The following PCDH11X variants were observed in gnomAD, a reference collection of about 807,000 sequenced individuals.
PCDH11X encodes protocadherin-11 X-linked.
In PCDH11X, 18 loss-of-function variants were observed where a neutral mutation model predicts 53.3. That is an observed-to-expected ratio of 0.34 (90% CI 0.23 to 0.50). PCDH11X has a LOEUF of 0.50. PCDH11X is among the 20% of genes least tolerant of loss of function. PCDH11X has a pLI of 0.98. For missense variants in PCDH11X, 570 were observed against 1,032.4 expected (o/e 0.55, Z 6.14); for synonymous variants, 279 against 393.3 (o/e 0.71, Z 3.44).
intron 6 of PCDH11X, among the ~76,000 whole-genome samples, chrX:91,898,576 G>C (rs754338042): frequency 9.2e-6 from 1 of 108,222 alleles, no homozygotes; most frequent in African/African-American, 3.4e-5. Flanking sequence ...TGACTAAGTG[G>C]TAGAATCATA....
intron 6 of PCDH11X, among the ~76,000 whole-genome samples, chrX:92,078,060 T>C (rs1277519155): frequency 9.1e-6 from 1 of 110,064 alleles, no homozygotes; most frequent in Non-Finnish European, 1.9e-5. Flanking sequence ...TGTTTCCCTG[T>C]GGACTCAATA....
rs757313306 is a variant in PCDH11X at position 92,293,368 on chromosome X, T to TA, written c.3144+30227dup. 5.4e-5 allele frequency among the ~76,000 whole-genome samples: 6 copies of TA among 110,501 alleles called. No homozygotes were observed. In the South Asian group the frequency reaches 2.4e-3, roughly 43 times the overall value. On this transcript the variant is annotated intron_variant, in intron 8 of 10. Coordinates refer to ENST00000682573, the MANE Select transcript of PCDH11X (RefSeq NM_032968.5). ...GGCCAGACACGGTGGCTGAGGCCTG[T>TA]AATCCCAGCACTTTGGGAGGCCAAG... is the stretch of plus-strand genomic sequence containing the variant.
intron 4 of PCDH11X, among the ~76,000 whole-genome samples, chrX:91,825,744 T>G (rs1467785411): frequency 9.3e-6 from 1 of 107,989 alleles, no homozygotes; most frequent in Non-Finnish European, 1.9e-5. Flanking sequence ...TTTGGTACAG[T>G]GCCCATGAAC....
intron 6 of PCDH11X, among the ~76,000 whole-genome samples, chrX:92,053,574 CTT>C (rs146294962): frequency 8.6e-4 from 80 of 92,514 alleles, no homozygotes; most frequent in Admixed American, 3.5e-3. Context: ...TGAACTGAGT[CTT>C]TTTTTTTTTT....
chrX:92,429,520 G>A (rs1446009222), intron 9 of PCDH11X, among the ~76,000 whole-genome samples: 1 of 106,730 alleles, frequency 9.4e-6, no homozygotes, highest in Non-Finnish European at 1.9e-5. Context: ...CCCAGCTAAC[G>A]AAAAGCTAGG....
chrX:91,887,477 G>A (rs1940285484), intron 6 of PCDH11X, among the ~76,000 whole-genome samples: 1 of 111,669 alleles, frequency 9.0e-6, no homozygotes, highest in African/African-American at 3.2e-5. Flanking sequence ...TTGGTTTAAT[G>A]TATTTAGAAT....
At chrX:92,080,592 G>A (rs896530416) in intron 6 of PCDH11X, among the ~76,000 whole-genome samples, 3 of 109,999 alleles carry the variant, frequency 2.7e-5, no homozygotes, top group African/African-American at 1.0e-4. Flanking sequence ...ACTTGATCCT[G>A]TAGGAGAGGC....
chrX:92,097,991 A>C (rs2064168623), intron 6 of PCDH11X, among the ~76,000 whole-genome samples: 1 of 110,766 alleles, frequency 9.0e-6, no homozygotes, highest in African/African-American at 3.3e-5. Context: ...TTGGGCTTTT[A>C]AAATATTTTT....
At chrX:91,860,899 A>G (rs764079659) in intron 5 of PCDH11X, among the ~76,000 whole-genome samples, 2 of 112,008 alleles carry the variant, frequency 1.8e-5, no homozygotes, top group East Asian at 5.6e-4. Context: ...ATTGATGTTC[A>G]TTAAAGATAT....
chrX:92,525,963 A>T (rs2074446542), intron 10 of PCDH11X, among the ~76,000 whole-genome samples: 1 of 111,317 alleles, frequency 9.0e-6, no homozygotes, highest in African/African-American at 3.3e-5. Flanking sequence ...AATACTAACA[A>T]ATAGAATTCA....
chrX:92,329,334 A>C (rs1247420982), intron 8 of PCDH11X, among the ~76,000 whole-genome samples: 2 of 111,429 alleles, frequency 1.8e-5, no homozygotes, highest in Non-Finnish European at 1.9e-5. Context: ...ATAATACTAC[A>C]TGATAAGACT....
At chrX:91,981,901 C>G (rs1199240650) in intron 6 of PCDH11X, among the ~76,000 whole-genome samples, 1 of 104,086 alleles carries the variant, frequency 9.6e-6, no homozygotes, top group African/African-American at 3.6e-5. Context: ...AAAATGTACC[C>G]ATTAGACTGC....
intron 10 of PCDH11X, among the ~76,000 whole-genome samples, chrX:92,481,228 A>G (rs112623433): frequency 0.28 from 29,819 of 108,006 alleles, 3,602 homozygotes; most frequent in Non-Finnish European, 0.36. Context: ...ATGACAGTAC[A>G]GTGGGGAGAG....
At chrX:91,799,511 C>A (rs1426014818) in intron 1 of PCDH11X, among the ~76,000 whole-genome samples, 2 of 111,344 alleles carry the variant, frequency 1.8e-5, no homozygotes, top group Non-Finnish European at 3.8e-5. Flanking sequence ...GATTTCTGGC[C>A]TTTCACTTGA....
At chrX:92,118,729 G>GTTT (rs2064688538) in intron 6 of PCDH11X, among the ~76,000 whole-genome samples, 3 of 72,141 alleles carry the variant, frequency 4.2e-5, no homozygotes, top group African/African-American at 1.1e-4. Flanking sequence ...TTATAATGCA[G>GTTT]TCTTTTTTTT....
chrX:92,201,462 C>G lies in PCDH11X; in HGVS notation c.3114+7C>G. The G allele has an allele frequency of 8.9e-7, 1 of 1,123,072 alleles. No homozygotes were observed. The highest frequency in any genetic ancestry group is 1.2e-6 in the Non-Finnish European group (1 of 827,471). 92.6% of individuals were successfully genotyped at this position (1,123,072 alleles called of 1,213,427 possible). A position where few individuals can be genotyped will look rare whatever the true frequency, so the allele number is the denominator to read the frequency against. ...GATTCATCCCCAACCACAGGTATGG[C>G]AAAAGCCCTATGATTTTTCCTCCCC... On this transcript the variant is annotated splice_region_variant and intron_variant, in intron 7 of 10. Coordinates refer to ENST00000682573, the MANE Select transcript of PCDH11X (RefSeq NM_032968.5).
chrX:92,278,186 G>T (rs1040437170), intron 8 of PCDH11X, among the ~76,000 whole-genome samples: 4 of 111,439 alleles, frequency 3.6e-5, no homozygotes, highest in Admixed American at 9.5e-5. Context: ...TAGTGAGGGA[G>T]GTTGGAGAAG....
intron 10 of PCDH11X, among the ~76,000 whole-genome samples, chrX:92,489,356 A>G (rs768764631): frequency 1.8e-5 from 2 of 110,988 alleles, no homozygotes; most frequent in South Asian, 7.6e-4. Flanking sequence ...AATGTTTGCC[A>G]CAGGCTTAAA....
rs1941631220 is a variant in PCDH11X, at chrX:91,918,096, G to A, written c.3033+38823G>A. Among the ~76,000 whole-genome samples the A allele has an allele frequency of 2.9e-5, 3 of 103,845 alleles. No homozygotes were observed. In the Admixed American group the frequency reaches 3.2e-4, roughly 11 times the overall value. The allele number at this position is 103,845 out of a possible 115,157, so 90.2% of individuals were successfully genotyped here. ...AGTTTCTTTATCTAAAAAAATGAAT[G>A]TGTATTAGTTTTGGAAGTTGCGTAA... On this transcript the variant is annotated intron_variant, in intron 6 of 10. Transcript: ENST00000682573.
Sources: gnomAD v4.1 joint callset for allele counts (sites outside exome capture counted in the v4.1 genomes callset) on GRCh38, gnomAD v4.1.1 for gene constraint, MANE v1.5 for transcripts, NCBI Gene and HGNC (gene_info 2026-07-23, HGNC 2026-07-21) for gene names.